The following ZMYND19 variants were observed in gnomAD, a reference collection of about 807,000 sequenced individuals.
ZMYND19 encodes zinc finger MYND domain-containing protein 19.
Under a neutral mutation model 32.0 loss-of-function variants are expected in ZMYND19, and 17 were observed. The ratio of observed to expected loss-of-function variants is 0.53; its 90% CI spans 0.36 to 0.80. ZMYND19 has a LOEUF of 0.80. Ranked by LOEUF, ZMYND19 falls within the 30% of genes least tolerant of loss-of-function variation. The probability of loss-of-function intolerance (pLI) is 0.00; values close to 1 mark genes in which losing one functional copy is unlikely to be tolerated. For missense variants in ZMYND19, 250 were observed against 293.6 expected (o/e 0.85, Z 1.09); for synonymous variants, 124 against 113.6 (o/e 1.09, Z -0.58).
At chr9:137,582,796 G>A in intron 5 of ZMYND19, 110 bp from the exon 6 acceptor site, 1 of 1,528,638 alleles carries the variant, frequency 6.5e-7, no homozygotes, top group Non-Finnish European at 8.8e-7. Context: ...CACGTACCAA[G>A]GCTGGAGGGC....
At chr9:137,587,313 G>A (rs1842216828) in intron 3 of ZMYND19, 4 of 813,102 alleles carry the variant, frequency 4.9e-6, no homozygotes, top group East Asian at 2.7e-5. Context: ...AAACAGGACA[G>A]GGACACAGGG....
intron 2 of ZMYND19, among the ~76,000 whole-genome samples, chr9:137,588,279 A>C (rs1476027618): frequency 1.3e-5 from 2 of 152,208 alleles, no homozygotes; most frequent in African/African-American, 4.8e-5. Flanking sequence ...GCCAGGAGGG[A>C]CTGCTAAGGC....
Position 137,587,251 on chromosome 9 carries a change from G to T in ZMYND19, c.219-144C>A. 10 of 1,360,612 alleles carry T rather than the reference G, an allele frequency of 7.3e-6. No homozygotes were observed. In the South Asian group the frequency reaches 1.3e-4, roughly 17 times the overall value. The allele number at this position is 1,360,612 out of a possible 1,614,324, so 84.3% of individuals were successfully genotyped here. ...CGGGCCCCTGGTCCTTTGGATGAGG[G>T]TACCTCAGGCGGAAGCTGCTGAGAG... On this transcript the variant is annotated intron_variant, in intron 3 of 5. Transcript: ENST00000298585.
At chr9:137,585,339 G>C (rs1368204466) in intron 4 of ZMYND19, among the ~76,000 whole-genome samples, 1 of 149,662 alleles carries the variant, frequency 6.7e-6, no homozygotes, top group Non-Finnish European at 1.5e-5. Context: ...AGAATTGCTT[G>C]AACTGGGCAG....
intron 1 of ZMYND19, chr9:137,589,774 G>A: frequency 2.0e-6 from 2 of 985,490 alleles, no homozygotes; most frequent in Non-Finnish European, 2.4e-6. Context: ...GACCCGCCTC[G>A]GCGAGAGGTG....
rs761664345 is a variant in ZMYND19 at position 137,587,046 on chromosome 9, C to T, written c.280G>A (p.Val94Met). 2.7e-5 allele frequency: 43 copies of T among 1,611,242 alleles called. No homozygotes were observed. The highest frequency in any genetic ancestry group is 4.5e-5 in the East Asian group (2 of 44,890). Residue 94 changes from valine to methionine, a missense_variant, in exon 4 of 6, where the codon GTG (valine) becomes ATG (methionine). By Grantham distance (21) the Val-to-Met change is conservative. This residue lies in a region of ZMYND19 where 212 missense variants were observed against 218.8 expected (regional missense o/e 0.97). Coordinates refer to ENST00000298585, the MANE Select transcript of ZMYND19 (RefSeq NM_138462.3). ...TGCAGGTTGTCCAGGCGATTGTCCA[C>T]GGTCACAGCGTTGAGGTGCACCACC... ...FQVVHLNAVT[V>M]DNRLDNLQLV...
At chr9:137,583,418 T>G (rs1324541786) in intron 4 of ZMYND19, among the ~76,000 whole-genome samples, 1 of 152,110 alleles carries the variant, frequency 6.6e-6, no homozygotes, top group Non-Finnish European at 1.5e-5. Flanking sequence ...AGGCACACAG[T>G]AGGCAGGAGA....
At position 137,588,736 on chromosome 9, in the gene ZMYND19, G is replaced by A. The variant is rs767716697; in HGVS notation, c.52-18C>T. ...TATTTGGTCTGGAAGTTAACCACAT[G>A]TTTCAAATCATTACATTTGGGATCT... is the stretch of plus-strand genomic sequence containing the variant. On this transcript the variant is annotated intron_variant, in intron 1 of 5. Transcript: ENST00000298585. The A allele has an allele frequency of 1.2e-5, 19 of 1,613,852 alleles. No individual in the cohort carries two copies. The highest frequency in any genetic ancestry group is 1.4e-5 in the Non-Finnish European group (17 of 1,179,868).
In ZMYND19 at chr9:137,590,370, G is replaced by A. The variant is rs1176875151; in HGVS notation, c.-107C>T. Reference sequence around the variant, plus strand: ...GGGACAGGACGGGACCGGAGCCGGGGTCGGGGTAGCAGCCAGGCGGGCTCC... The same window carrying A: ...GGGACAGGACGGGACCGGAGCCGGGATCGGGGTAGCAGCCAGGCGGGCTCC... On this transcript the variant is annotated 5_prime_UTR_variant, in exon 1 of 6. Coordinates refer to ENST00000298585, the MANE Select transcript of ZMYND19 (RefSeq NM_138462.3). The surrounding 1 kb of genome is among the most constrained non-coding windows in gnomAD (Gnocchi z 4.2). The A allele has an allele frequency of 2.7e-5, 20 of 742,662 alleles. No individual in the cohort carries two copies. In the South Asian group the frequency reaches 2.9e-4, roughly 11 times the overall value. 46.0% of individuals were successfully genotyped at this position (742,662 alleles called of 1,614,324 possible).
chr9:137,589,013 C>T (rs1321459031), intron 1 of ZMYND19: 4 of 395,226 alleles, frequency 1.0e-5, no homozygotes, highest in Non-Finnish European at 1.9e-5. Flanking sequence ...AACAGTGGCA[C>T]TGAACATTCA....
chr9:137,590,195 G>T lies in ZMYND19; in HGVS notation c.51+18C>A. 9.3e-7 allele frequency: 1 copy of T among 1,077,740 alleles called. No homozygotes were observed. Among genetic ancestry groups the T allele is most frequent in the African/African-American group, 1.7e-5 (1 of 58,020 alleles). 66.8% of individuals were successfully genotyped at this position (1,077,740 alleles called of 1,614,324 possible). A position where few individuals can be genotyped will look rare whatever the true frequency, so the allele number is the denominator to read the frequency against. On this transcript the variant is annotated intron_variant, in intron 1 of 5. Coordinates refer to ENST00000298585, the MANE Select transcript of ZMYND19 (RefSeq NM_138462.3). This position sits in a 1 kb window ranked among gnomAD's most constrained non-coding sequence, Gnocchi z 4.2. ...GGACGGGCGAGACGGGCCGGGTCGC[G>T]GGCTCCGCGCCGCTCACCTTCCCGG...
At position 137,589,940 on chromosome 9, in the gene ZMYND19, C is replaced by G. The variant is rs892202936; in HGVS notation, c.51+273G>C. On this transcript the variant is annotated intron_variant, in intron 1 of 5. Coordinates refer to ENST00000298585, the MANE Select transcript of ZMYND19 (RefSeq NM_138462.3). ...GAGCCACGCATCTCCGCACCCGGCT[C>G]GGGACAGGGCCGTGGCCTCCACCTC... The G allele has an allele frequency of 1.2e-5, 12 of 985,244 alleles. No individual in the cohort carries two copies. In the African/African-American group the frequency reaches 1.7e-4, roughly 14 times the overall value. 61.0% of individuals were successfully genotyped at this position (985,244 alleles called of 1,614,324 possible). A position where few individuals can be genotyped will look rare whatever the true frequency, so the allele number is the denominator to read the frequency against.
chr9:137,589,885 G>C (rs1290022463), intron 1 of ZMYND19: 1 of 985,272 alleles, frequency 1.0e-6, no homozygotes, highest in Non-Finnish European at 1.2e-6. Context: ...ACACCACTGG[G>C]AGGGCTCCGG....
At position 137,583,018 on chromosome 9, in the gene ZMYND19, A is replaced by G. The variant is rs756379723; in HGVS notation, c.505T>C (p.Cys169Arg). 2 of 1,614,022 alleles carry G rather than the reference A, an allele frequency of 1.2e-6. No homozygotes were observed. Among genetic ancestry groups the G allele is most frequent in the Non-Finnish European group, 1.7e-6 (2 of 1,180,012 alleles). ...EEENSCTYYE[C>R]HYPPCTVIEK... is the part of the protein sequence containing the mutation. ...ATCACTGTGCAGGGAGGGTAGTGGC[A>G]CTCATAGTAGGTGCAAGAGTTCTCC... Residue 169 changes from cysteine to arginine, a missense_variant, in exon 5 of 6, where the codon TGC (cysteine) becomes CGC (arginine). Cys to Arg is a radical substitution (Grantham distance 180, BLOSUM62 -3). Coordinates refer to ENST00000298585, the MANE Select transcript of ZMYND19 (RefSeq NM_138462.3).
At chr9:137,585,069 T>C (rs75648790) in intron 4 of ZMYND19, among the ~76,000 whole-genome samples, 2 of 152,086 alleles carry the variant, frequency 1.3e-5, no homozygotes, top group South Asian at 4.1e-4. Context: ...AGGTCAAAAC[T>C]CTAATATTAG....
At chr9:137,586,078 C>T (rs1394671943) in intron 4 of ZMYND19, among the ~76,000 whole-genome samples, 2 of 152,254 alleles carry the variant, frequency 1.3e-5, no homozygotes, top group Non-Finnish European at 2.9e-5. Flanking sequence ...GTTCTAGGGC[C>T]AGCAGGAACC....
chr9:137,584,943 G>T (rs1049608629), intron 4 of ZMYND19, among the ~76,000 whole-genome samples: 2 of 152,186 alleles, frequency 1.3e-5, no homozygotes, highest in African/African-American at 4.8e-5. Context: ...CAGCCAAATT[G>T]ACCTTTGTTT....
At chr9:137,589,338 A>T (rs1842242826) in intron 1 of ZMYND19, 18 of 985,404 alleles carry the variant, frequency 1.8e-5, no homozygotes, top group Non-Finnish European at 2.2e-5. Context: ...GGAAACAGGA[A>T]CAGGTCCCAG....
chr9:137,588,436 G>A (rs1013573706), intron 2 of ZMYND19, among the ~76,000 whole-genome samples: 3 of 145,776 alleles, frequency 2.1e-5, no homozygotes, highest in Non-Finnish European at 3.0e-5. Context: ...GACCACTGTC[G>A]CCAGGCCATG....
Sources: allele counts gnomAD v4.1 joint callset (sites outside exome capture counted in the v4.1 genomes callset), GRCh38; gene constraint gnomAD v4.1.1; regional missense constraint gnomAD v4.1.1; non-coding constraint Gnocchi (gnomAD v3.1); transcripts MANE v1.5; gene names NCBI Gene and HGNC (gene_info 2026-07-23, HGNC 2026-07-21).